The following SORBS2 variants were observed in gnomAD, a reference collection of about 807,000 sequenced individuals.
The protein encoded by SORBS2 is sorbin and SH3 domain containing 2.
A neutral mutation model predicts 97.7 loss-of-function variants in SORBS2; 46 were observed. The ratio of observed to expected loss-of-function variants is 0.47; its 90% CI spans 0.37 to 0.60. The LOEUF is 0.60. Among genes scored for constraint, SORBS2 ranks in the 20% least tolerant of loss-of-function variants. SORBS2 has a pLI of 0.00. For missense variants in SORBS2, 1,316 were observed against 1,282.3 expected (o/e 1.03, Z -0.40); for synonymous variants, 476 against 473.4 (o/e 1.01, Z -0.07).
chr4:185,619,917 C>G, intron 8 of SORBS2, 146 bp downstream of exon 20: 1 of 687,196 alleles, frequency 1.5e-6, no homozygotes, highest in Non-Finnish European at 2.7e-6. Flanking sequence ...TTGCTATGCT[C>G]AGGCCCCAAG....
intron 1 of SORBS2, among the ~76,000 whole-genome samples, chr4:185,853,790 T>C (rs888198783): frequency 5.3e-5 from 8 of 152,310 alleles, no homozygotes; most frequent in Non-Finnish European, 1.0e-4. Context: ...TCTAAGAACC[T>C]GGAATGAGTT....
rs572085559 is a variant in SORBS2, at chr4:185,606,996, A to G, written c.2796+4784T>C. 6.0e-6 allele frequency: 6 copies of G among 1,001,096 alleles called. No individual in the cohort carries two copies. The highest frequency in any genetic ancestry group is 1.1e-4 in the East Asian group (1 of 9,000). 62.0% of individuals were successfully genotyped at this position (1,001,096 alleles called of 1,614,324 possible). A position where few individuals can be genotyped will look rare whatever the true frequency, so the allele number is the denominator to read the frequency against. On this transcript the variant is annotated intron_variant, in intron 12 of 14. Coordinates refer to ENST00000418609, the Ensembl canonical transcript of SORBS2. This position sits in a 1 kb window ranked among gnomAD's most constrained non-coding sequence, Gnocchi z 4.3. ...TTCTGGGATCCTGAAGAGGCTCTGC[A>G]TGGTAAGGCTGGGCTGCAGCCGAGG...
intron 12 of SORBS2, among the ~76,000 whole-genome samples, chr4:185,599,961 C>T (rs1450546653): frequency 6.6e-6 from 1 of 152,252 alleles, no homozygotes; most frequent in African/African-American, 2.4e-5. Flanking sequence ...GTGGGAACCG[C>T]TGAGCCCTCT....
intron 2 of SORBS2, among the ~76,000 whole-genome samples, chr4:185,650,529 T>C (rs1484142408): frequency 5.3e-5 from 8 of 152,214 alleles, no homozygotes; most frequent in Non-Finnish European, 1.2e-4. Context: ...AATATATCAC[T>C]GCTGTTCCAT....
intron 1 of SORBS2, among the ~76,000 whole-genome samples, chr4:185,923,764 CTCCT>C (rs970621437): frequency 1.2e-4 from 19 of 152,176 alleles, no homozygotes; most frequent in African/African-American, 4.6e-4. Flanking sequence ...TCTACACGAC[CTCCT>C]TCCTTAGATA....
chr4:185,654,405 G>A (rs775023881), intron 1 of SORBS2, among the ~76,000 whole-genome samples: 10 of 152,158 alleles, frequency 6.6e-5, no homozygotes, highest in Non-Finnish European at 1.3e-4. Context: ...TTTCCTGGAC[G>A]TGCTGATGGC....
At chr4:185,614,093 A>G (rs12502295) in intron 11 of SORBS2, among the ~76,000 whole-genome samples, 24,808 of 151,320 alleles carry the variant, frequency 0.16, 2,952 homozygotes, top group East Asian at 0.56. Context: ...CAATAAGAAT[A>G]ATTCATTTAT....
Position 185,684,985 on chromosome 4 carries a change from C to A in SORBS2, c.-197-6163G>T. 1 of 625,776 alleles carries A rather than the reference C, an allele frequency of 1.6e-6. No homozygotes were observed. 38.8% of individuals were successfully genotyped at this position (625,776 alleles called of 1,614,324 possible). The stretch of plus-strand genomic sequence containing the variant: ...ATTAGTAATCATGGAATGCACCTGC[C>A]AATTTCACACCACCCTCAAACTAAA... On this transcript the variant is annotated intron_variant, in intron 2 of 20. Transcript: ENST00000284776. The surrounding 1 kb of genome is among the most constrained non-coding windows in gnomAD (Gnocchi z 4.2).
chr4:185,756,805 G>A (rs985348727), intron 2 of SORBS2, among the ~76,000 whole-genome samples: 2 of 145,704 alleles, frequency 1.4e-5, no homozygotes, highest in Non-Finnish European at 1.5e-5. Flanking sequence ...GGTCTTTCCC[G>A]TGGCATGCTC....
intron 1 of SORBS2, among the ~76,000 whole-genome samples, chr4:185,783,683 C>G (rs541903994): frequency 1.3e-5 from 2 of 152,248 alleles, no homozygotes; most frequent in South Asian, 4.1e-4. Flanking sequence ...TCTCCAGTGG[C>G]AGGCATGAGA....
intron 1 of SORBS2, among the ~76,000 whole-genome samples, chr4:185,852,584 T>C (rs542454012): frequency 6.6e-6 from 1 of 152,338 alleles, no homozygotes; most frequent in African/African-American, 2.4e-5. Flanking sequence ...AGAGATTTCC[T>C]TGAATGATAG....
Position 185,712,201 on chromosome 4 carries a change from C to T in SORBS2, c.-197-33379G>A, listed in dbSNP as rs1450777914. Among the ~76,000 whole-genome samples, 3 of 152,130 alleles carry T rather than the reference C, an allele frequency of 2.0e-5. No homozygotes were observed. In the South Asian group the frequency reaches 6.2e-4, roughly 32 times the overall value. On this transcript the variant is annotated intron_variant, in intron 2 of 20. Coordinates refer to the SORBS2 transcript ENST00000284776. ...TAACCATGCCCCACCCCATCCTGTG[C>T]CCATAAAAACCCCAGACTTAGCTGG...
chr4:185,728,617 G>T (rs764200503), intron 2 of SORBS2, among the ~76,000 whole-genome samples: 4 of 152,208 alleles, frequency 2.6e-5, no homozygotes, highest in Non-Finnish European at 5.9e-5. Flanking sequence ...AAAAGGATGC[G>T]CAGGAGCACT....
At chr4:185,847,917 A>G (rs2099215479) in intron 1 of SORBS2, among the ~76,000 whole-genome samples, 1 of 152,202 alleles carries the variant, frequency 6.6e-6, no homozygotes, top group Non-Finnish European at 1.5e-5. Flanking sequence ...TACAGCTATC[A>G]GTCCTTTGGC....
intron 1 of SORBS2, among the ~76,000 whole-genome samples, chr4:185,897,457 T>C (rs2099245595): frequency 6.6e-6 from 1 of 152,216 alleles, no homozygotes; most frequent in Non-Finnish European, 1.5e-5. Flanking sequence ...TTGTTAAACC[T>C]AAGCATAAAA....
chr4:185,614,266 T>C (rs1433113012), intron 11 of SORBS2, among the ~76,000 whole-genome samples: 3 of 149,308 alleles, frequency 2.0e-5, no homozygotes, highest in Non-Finnish European at 3.0e-5. Context: ...CTCGAGGCTT[T>C]TGATATTATT....
intron 13 of SORBS2, 29 bp from the exon 26 acceptor site, chr4:185,589,814 A>G (rs755647804): frequency 1.2e-5 from 14 of 1,196,262 alleles, no homozygotes; most frequent in Admixed American, 1.7e-5. Flanking sequence ...ATGTGTTTAA[A>G]AACATCTTGA....
chr4:185,682,075 C>A (rs923342519), intron 2 of SORBS2, among the ~76,000 whole-genome samples: 1 of 152,122 alleles, frequency 6.6e-6, no homozygotes, highest in East Asian at 1.9e-4. Flanking sequence ...ACAATTATAA[C>A]CCTTTTCATT....
chr4:185,776,901 A>C (rs1460267895), intron 1 of SORBS2, among the ~76,000 whole-genome samples: 2 of 88,184 alleles, frequency 2.3e-5, no homozygotes, highest in African/African-American at 8.2e-5. Flanking sequence ...CTCCATCTCA[A>C]AAAAAAAAAA....
Sources: gnomAD v4.1 joint callset for allele counts (sites outside exome capture counted in the v4.1 genomes callset) on GRCh38, gnomAD v4.1.1 for gene constraint, Gnocchi (gnomAD v3.1) non-coding constraint, MANE v1.5 for transcripts, NCBI Gene and HGNC (gene_info 2026-07-23, HGNC 2026-07-21) for gene names.